Variants in RXFP1 observed in about 807,000 individuals in gnomAD.
The protein encoded by RXFP1 is relaxin family peptide receptor 1.
RXFP1 carries 73 observed loss-of-function variants against 89.8 expected under a neutral mutation model. The observed-to-expected ratio is 0.81, with a 90% CI of 0.67 to 0.99. The LOEUF is 0.99. RXFP1 is among the 50% of genes least tolerant of loss of function. The pLI is 0.00. For missense variants in RXFP1, 793 were observed against 895.5 expected, an observed-to-expected ratio of 0.89 and a Z score of 1.46; for synonymous variants, 277 against 305.5, an observed-to-expected ratio of 0.91 and a Z score of 0.97.
chr4:158,645,279 C>G, intron 15 of RXFP1, 141 bp downstream of exon 15: 1 of 629,800 alleles, frequency 1.6e-6, no homozygotes, highest in Non-Finnish European at 2.7e-6. Flanking sequence ...TTCACATTTT[C>G]TACAAAGAAA....
chr4:158,619,356 G>A (rs575770864), intron 9 of RXFP1, among the ~76,000 whole-genome samples: 1 of 152,152 alleles, frequency 6.6e-6, no homozygotes, highest in African/African-American at 2.4e-5. Context: ...CAGTCATAAG[G>A]TAGCCAAATA....
intron 1 of RXFP1, among the ~76,000 whole-genome samples, chr4:158,542,109 A>ATATTTTTTTTTT: frequency 2.8e-5 from 1 of 35,254 alleles, no homozygotes; most frequent in Non-Finnish European, 5.6e-5. Context: ...ATATATATAT[A>ATATTTTTTTTTT]TTTTTTTTTT....
chr4:158,574,985 C>T (rs1361007602), intron 2 of RXFP1, among the ~76,000 whole-genome samples: 2 of 152,156 alleles, frequency 1.3e-5, no homozygotes, highest in African/African-American at 4.8e-5. Flanking sequence ...AGTTCCCCGT[C>T]GACCTGCTGG....
intron 6 of RXFP1, chr4:158,610,829 C>A: frequency 1.6e-6 from 1 of 624,022 alleles, no homozygotes; most frequent in Non-Finnish European, 2.4e-6. Flanking sequence ...AAGGAAGAGG[C>A]TCTATCATGG....
intron 1 of RXFP1, among the ~76,000 whole-genome samples, chr4:158,554,694 C>G (rs1165425546): frequency 1.3e-5 from 2 of 151,150 alleles, no homozygotes; most frequent in Non-Finnish European, 2.9e-5. Context: ...TATTTACACA[C>G]TTTTGAGACT....
chr4:158,559,650 CA>C (rs776058273), intron 1 of RXFP1, among the ~76,000 whole-genome samples: 2 of 152,112 alleles, frequency 1.3e-5, no homozygotes, highest in African/African-American at 4.8e-5. Flanking sequence ...GTATTTACGA[CA>C]AAAAAGCCAC....
chr4:158,637,290 T>G (rs1348603870), intron 12 of RXFP1, among the ~76,000 whole-genome samples: 1 of 152,188 alleles, frequency 6.6e-6, no homozygotes, highest in Non-Finnish European at 1.5e-5. Flanking sequence ...ATGTAGTAGT[T>G]CAATTTTTGA....
chr4:158,612,763 A>G (rs1763810295), intron 8 of RXFP1, among the ~76,000 whole-genome samples: 1 of 152,088 alleles, frequency 6.6e-6, no homozygotes, highest in African/African-American at 2.4e-5. Context: ...GGTGTGTGCC[A>G]TCACGCCCAG....
chr4:158,526,451 G>A (rs529428685), intron 1 of RXFP1, among the ~76,000 whole-genome samples: 34 of 152,268 alleles, frequency 2.2e-4, no homozygotes, highest in Middle Eastern at 3.4e-3. Flanking sequence ...TGTGATCAGA[G>A]CAACAAGGAC....
chr4:158,541,300 G>A (rs1746546099), intron 1 of RXFP1, among the ~76,000 whole-genome samples: 1 of 147,296 alleles, frequency 6.8e-6, no homozygotes. Context: ...AATATTACTG[G>A]CAATTAAAAT....
chr4:158,642,196 G>A (rs1330234499), intron 14 of RXFP1, among the ~76,000 whole-genome samples: 1 of 151,792 alleles, frequency 6.6e-6, no homozygotes, highest in Non-Finnish European at 1.5e-5. Context: ...ATCTTCATGG[G>A]GGTACATAGT....
chr4:158,643,706 C>T (rs556074912), intron 14 of RXFP1, among the ~76,000 whole-genome samples: 52 of 151,980 alleles, frequency 3.4e-4, no homozygotes, highest in South Asian at 2.1e-3. Context: ...CTCCTGACTG[C>T]GTGATCCACC....
intron 2 of RXFP1, among the ~76,000 whole-genome samples, chr4:158,589,342 T>C (rs1758934828): frequency 6.6e-6 from 1 of 152,182 alleles, no homozygotes. Context: ...AACCTAAAGC[T>C]ATATTTCTAC....
At chr4:158,595,877 T>C (rs2150076587) in intron 3 of RXFP1, among the ~76,000 whole-genome samples, 1 of 151,948 alleles carries the variant, frequency 6.6e-6, no homozygotes, top group Non-Finnish European at 1.5e-5. Flanking sequence ...CTGGGCACAG[T>C]GGCTCACACT....
intron 1 of RXFP1, among the ~76,000 whole-genome samples, chr4:158,523,752 G>A (rs556854585): frequency 1.3e-5 from 2 of 152,278 alleles, no homozygotes; most frequent in South Asian, 2.1e-4. Flanking sequence ...ACCCACAGCC[G>A]TGGCTCACCT....
chr4:158,524,968 A>G (rs1742126219), intron 1 of RXFP1, among the ~76,000 whole-genome samples: 1 of 152,192 alleles, frequency 6.6e-6, no homozygotes, highest in Non-Finnish European at 1.5e-5. Context: ...CTTCTCTTTC[A>G]GACTCCTAGA....
At chr4:158,612,438 C>T in intron 8 of RXFP1, 76 bp downstream of exon 8, 6 of 1,062,016 alleles carry the variant, frequency 5.6e-6, no homozygotes, top group Non-Finnish European at 8.2e-6. Context: ...AATTTAATAC[C>T]ATTAAATTTG....
At chr4:158,523,405 ACT>A (rs1348261414) in intron 1 of RXFP1, among the ~76,000 whole-genome samples, 1 of 152,190 alleles carries the variant, frequency 6.6e-6, no homozygotes, top group Non-Finnish European at 1.5e-5. Flanking sequence ...AACTTTGGCC[ACT>A]GTGTTACCAG....
rs1470182375 is a variant in RXFP1, at chr4:158,539,599, A to T, written c.49+17574A>T. ...ACATTTATAATAAAAGAAAAAAGGC[A>T]TATGTAATACCTGCTTGATATCAGA... On this transcript the variant is annotated intron_variant, in intron 1 of 17. Transcript: ENST00000307765. Among the ~76,000 whole-genome samples the T allele has an allele frequency of 2.0e-5, 3 of 152,332 alleles. No homozygotes were observed. In the East Asian group the frequency reaches 5.8e-4, roughly 29 times the overall value.
Sources: allele counts gnomAD v4.1 joint callset (sites outside exome capture counted in the v4.1 genomes callset), GRCh38; gene constraint gnomAD v4.1.1; transcripts MANE v1.5; gene names NCBI Gene and HGNC (gene_info 2026-07-23, HGNC 2026-07-21).